NMNAT2: variants seen among roughly 807,000 people sequenced by gnomAD.
NMNAT2 encodes nicotinamide/nicotinic acid mononucleotide adenylyltransferase 2.
In NMNAT2, 11 loss-of-function variants were observed where a neutral mutation model predicts 41.6. The ratio of observed to expected loss-of-function variants is 0.26; its 90% CI spans 0.17 to 0.44. The LOEUF (loss-of-function observed/expected upper bound fraction) is 0.44. Among genes scored for constraint, NMNAT2 ranks in the 20% least tolerant of loss-of-function variants. NMNAT2 has a pLI of 1.00. For missense variants in NMNAT2, 288 were observed against 407.7 expected (o/e 0.71, Z 2.53); for synonymous variants, 148 against 151.2 (o/e 0.98, Z 0.16).
intron 1 of NMNAT2, among the ~76,000 whole-genome samples, chr1:183,362,428 G>A (rs1304020624): frequency 2.0e-5 from 3 of 151,944 alleles, no homozygotes; most frequent in Admixed American, 6.6e-5. Context: ...ATTCCCCACC[G>A]CCCCCTGGCC....
intron 1 of NMNAT2, among the ~76,000 whole-genome samples, chr1:183,334,171 A>G (rs1271180685): frequency 6.6e-6 from 1 of 152,096 alleles, no homozygotes; most frequent in Non-Finnish European, 1.5e-5. Context: ...GGCTCAAGCA[A>G]TTCTCCTGCC....
chr1:183,258,966 G>A (rs577944899), intron 10 of NMNAT2, among the ~76,000 whole-genome samples: 5 of 152,270 alleles, frequency 3.3e-5, no homozygotes, highest in African/African-American at 9.6e-5. Context: ...CTGGTCTCCC[G>A]CACAGCCGGC....
At chr1:183,290,288 A>C in intron 3 of NMNAT2, 82 bp from the exon 4 acceptor site, 7 of 1,167,300 alleles carry the variant, frequency 6.0e-6, no homozygotes, top group South Asian at 1.4e-5. Flanking sequence ...ATCATAGCTC[A>C]GGAAGCATGG....
intron 1 of NMNAT2, among the ~76,000 whole-genome samples, chr1:183,360,656 C>T (rs1278216530): frequency 6.6e-6 from 1 of 152,110 alleles, no homozygotes; most frequent in Non-Finnish European, 1.5e-5. Flanking sequence ...CAGCAAATTC[C>T]CCATAATGGA....
intron 1 of NMNAT2, among the ~76,000 whole-genome samples, chr1:183,359,078 C>CT (rs752308647): frequency 0.012 from 1,742 of 146,970 alleles, 21 homozygotes; most frequent in Middle Eastern, 0.018. Flanking sequence ...TCTATCTTGA[C>CT]TTTTTTTTTT....
At chr1:183,352,892 G>A (rs1353403033) in intron 1 of NMNAT2, among the ~76,000 whole-genome samples, 1 of 152,216 alleles carries the variant, frequency 6.6e-6, no homozygotes, top group African/African-American at 2.4e-5. Flanking sequence ...TTCTCTGACT[G>A]CTGCTGAGAT....
At chr1:183,254,555 A>C (rs948283335) in intron 10 of NMNAT2, among the ~76,000 whole-genome samples, 4 of 152,012 alleles carry the variant, frequency 2.6e-5, no homozygotes, top group African/African-American at 4.8e-5. Flanking sequence ...CTCCTGCCTC[A>C]GCCTCTCAAG....
chr1:183,349,991 G>A (rs1557886257), intron 1 of NMNAT2, among the ~76,000 whole-genome samples: 1 of 152,182 alleles, frequency 6.6e-6, no homozygotes, highest in South Asian at 2.1e-4. Context: ...TCCAGAGTTA[G>A]GCTCTGTCCT....
At chr1:183,315,347 A>G (rs1662220779) in intron 1 of NMNAT2, among the ~76,000 whole-genome samples, 2 of 152,238 alleles carry the variant, frequency 1.3e-5, no homozygotes. Flanking sequence ...CTGACAAAGT[A>G]TTTCCACATT....
chr1:183,338,396 A>G (rs1338366855), intron 1 of NMNAT2, among the ~76,000 whole-genome samples: 1 of 152,226 alleles, frequency 6.6e-6, no homozygotes, highest in Non-Finnish European at 1.5e-5. Context: ...AGAAATGACA[A>G]CAGTGTAGAA....
At chr1:183,394,400 G>C (rs532555344) in intron 1 of NMNAT2, among the ~76,000 whole-genome samples, 117 of 152,188 alleles carry the variant, frequency 7.7e-4, no homozygotes, top group Non-Finnish European at 1.2e-3. Flanking sequence ...CTGCCCAACA[G>C]TGAAACAGTC....
intron 1 of NMNAT2, among the ~76,000 whole-genome samples, chr1:183,377,559 A>T (rs1441908859): frequency 6.6e-6 from 1 of 152,224 alleles, no homozygotes. Flanking sequence ...TAACAGCAAC[A>T]TAGACTTCAA....
intron 4 of NMNAT2, 126 bp from the exon 5 acceptor site, chr1:183,286,914 A>T: frequency 1.0e-6 from 1 of 995,986 alleles, no homozygotes; most frequent in Non-Finnish European, 1.5e-6. Flanking sequence ...AGCCCTGGGG[A>T]TGGGTTCTAG....
chr1:183,388,469 T>C (rs1299389381), intron 1 of NMNAT2, among the ~76,000 whole-genome samples: 1 of 152,226 alleles, frequency 6.6e-6, no homozygotes. Flanking sequence ...CTAAAATTAC[T>C]AATAAACTTG....
intron 7 of NMNAT2, among the ~76,000 whole-genome samples, chr1:183,279,731 A>G (rs923624764): frequency 6.6e-6 from 1 of 152,216 alleles, no homozygotes; most frequent in Non-Finnish European, 1.5e-5. Flanking sequence ...ATGGTGGGCA[A>G]TGCCAGCATC....
At chr1:183,376,343 G>A (rs1663678813) in intron 1 of NMNAT2, among the ~76,000 whole-genome samples, 1 of 152,168 alleles carries the variant, frequency 6.6e-6, no homozygotes, top group South Asian at 2.1e-4. Flanking sequence ...AGAAGATAGA[G>A]CTATGTGAAA....
chr1:183,343,307 G>A (rs1412307559), intron 1 of NMNAT2, among the ~76,000 whole-genome samples: 1 of 152,014 alleles, frequency 6.6e-6, no homozygotes, highest in Non-Finnish European at 1.5e-5. Context: ...CCTTCATTTG[G>A]TGATTCACTC....
intron 1 of NMNAT2, among the ~76,000 whole-genome samples, chr1:183,406,893 A>G (rs1325134486): frequency 7.3e-6 from 1 of 137,798 alleles, no homozygotes; most frequent in African/African-American, 2.8e-5. Flanking sequence ...ATCTCAGCTC[A>G]CTGCAACCTC....
chr1:183,280,305 A>C (rs776553424), intron 7 of NMNAT2, among the ~76,000 whole-genome samples: 12 of 152,200 alleles, frequency 7.9e-5, no homozygotes, highest in Non-Finnish European at 1.6e-4. Flanking sequence ...AGTTAGATCA[A>C]GCTTGTCCAA....
Sources: allele counts gnomAD v4.1 joint callset (sites outside exome capture counted in the v4.1 genomes callset), GRCh38; gene constraint gnomAD v4.1.1; transcripts MANE v1.5; gene names NCBI Gene and HGNC (gene_info 2026-07-23, HGNC 2026-07-21).